Variants in CHAF1B observed in about 807,000 individuals in gnomAD.
CHAF1B encodes CAF-1 subunit B.
Under a neutral mutation model 60.7 loss-of-function variants are expected in CHAF1B, and 10 were observed. That is an observed-to-expected ratio of 0.16 (90% CI 0.10 to 0.28). CHAF1B has a LOEUF of 0.28. CHAF1B is among the 10% of genes least tolerant of loss of function. The pLI is 1.00. For synonymous variants in CHAF1B, 261 were observed against 266.1 expected (o/e 0.98, Z 0.19); for missense variants, 558 against 708.4 (o/e 0.79, Z 2.41).
rs142716888 is a variant in CHAF1B, at chr21:36,415,153, T to G, written c.1494-142T>G. On this transcript the variant is annotated intron_variant, in intron 12 of 13. Coordinates refer to ENST00000314103, the MANE Select transcript of CHAF1B (RefSeq NM_005441.3). ...AGTTATTAAACAAGTGGGCACATCTTACTATTTAATGCCTTGAACCAGAAG... is the reference window on the plus strand; with the variant it reads ...AGTTATTAAACAAGTGGGCACATCTGACTATTTAATGCCTTGAACCAGAAG... The G allele has an allele frequency of 2.1e-3, 1,249 of 602,578 alleles. 4 individuals carry two copies. The highest frequency in any genetic ancestry group is 3.0e-3 in the Admixed American group (103 of 34,094). The allele number at this position is 602,578 out of a possible 1,614,324, so 37.3% of individuals were successfully genotyped here. A position where few individuals can be genotyped will look rare whatever the true frequency, so the allele number is the denominator to read the frequency against.
chr21:36,389,675 CAG>C, intron 3 of CHAF1B, among the ~76,000 whole-genome samples: 1 of 144,100 alleles, frequency 6.9e-6, no homozygotes, highest in South Asian at 2.6e-4. Flanking sequence ...CAAAATAAAA[CAG>C]AAATCTAAAG....
intron 3 of CHAF1B, among the ~76,000 whole-genome samples, chr21:36,389,800 T>C (rs73905813): frequency 0.066 from 8,173 of 124,528 alleles, 455 homozygotes; most frequent in African/African-American, 0.14. Flanking sequence ...TGTGTGTGTG[T>C]GCGCGCGCAC....
At chr21:36,385,862 G>C (rs551118475) in intron 1 of CHAF1B, among the ~76,000 whole-genome samples, 198 bp from the exon 2 acceptor site, 4 of 152,312 alleles carry the variant, frequency 2.6e-5, no homozygotes, top group African/African-American at 9.6e-5. Flanking sequence ...TGCTTTTCTG[G>C]ATGTAGCGGC....
intron 12 of CHAF1B, among the ~76,000 whole-genome samples, chr21:36,414,163 G>A (rs758943946): frequency 3.9e-5 from 6 of 152,160 alleles, no homozygotes; most frequent in Non-Finnish European, 7.3e-5. Flanking sequence ...TTCTTCCCCT[G>A]CAGCTGATGT....
At chr21:36,404,210 C>T (rs772971138) in intron 8 of CHAF1B, among the ~76,000 whole-genome samples, 1 of 150,040 alleles carries the variant, frequency 6.7e-6, no homozygotes, top group African/African-American at 2.5e-5. Flanking sequence ...AAGCGATTCT[C>T]CTGCCTCAGC....
At chr21:36,395,420 A>G (rs1476227366) in intron 5 of CHAF1B, among the ~76,000 whole-genome samples, 1 of 152,216 alleles carries the variant, frequency 6.6e-6, no homozygotes, top group African/African-American at 2.4e-5. Flanking sequence ...GCTCAACAGG[A>G]TAGGGGTTAG....
intron 4 of CHAF1B, among the ~76,000 whole-genome samples, chr21:36,394,338 G>A (rs1156243875): frequency 6.6e-6 from 1 of 152,090 alleles, no homozygotes; most frequent in African/African-American, 2.4e-5. Context: ...GCCTCCCAAA[G>A]TGCTGGGATT....
At chr21:36,385,985 A>T in intron 1 of CHAF1B, 75 bp from the exon 2 acceptor site, 1 of 820,340 alleles carries the variant, frequency 1.2e-6, no homozygotes, top group Non-Finnish European at 1.9e-6. Flanking sequence ...TGTGCATTTT[A>T]AATGGCTCCT....
At position 36,402,826 on chromosome 21, in the gene CHAF1B, C is replaced by T. The variant is rs577719192; in HGVS notation, c.732C>T (p.Pro244=). The T allele has an allele frequency of 5.7e-5, 92 of 1,613,954 alleles. No individual in the cohort carries two copies. The South Asian group carries it at 7.9e-4, about 14-fold the overall frequency. ...KSFFRRLSFT[P]DGSLLLTPAG... ...TCTTCCGTAGACTGAGTTTCACTCC[C>T]GACGGATCTTTGCTTCTCACGCCAG... The change falls in exon 8 of 14, where the codon CCC becomes CCT. Residue 244 remains proline (P), a synonymous_variant. Transcript: ENST00000314103.
intron 7 of CHAF1B, 68 bp from the exon 8 acceptor site, chr21:36,402,690 A>G: frequency 1.5e-6 from 2 of 1,337,098 alleles, no homozygotes; most frequent in South Asian, 2.5e-5. Context: ...AGATTTGGAA[A>G]AATGTTTAAG....
chr21:36,393,228 C>T lies in CHAF1B; in HGVS notation c.378-1319C>T, dbSNP rs71330677. ...AGAGAGCGGGAGAGGGAGAGGGAGA[C>T]GGTGGAGGGAGAGGGAGAGGGAGAG... On this transcript the variant is annotated intron_variant, in intron 4 of 13. Transcript: ENST00000314103. Among the ~76,000 whole-genome samples, 27 of 151,514 alleles carry T rather than the reference C, an allele frequency of 1.8e-4. No homozygotes were observed. The East Asian group carries it at 2.9e-3, about 16-fold the overall frequency.
intron 4 of CHAF1B, among the ~76,000 whole-genome samples, chr21:36,392,243 T>G (rs1256596704): frequency 6.6e-6 from 1 of 151,950 alleles, no homozygotes; most frequent in Admixed American, 6.6e-5. Flanking sequence ...GGGTTGGGGG[T>G]AAGGTTATAG....
intron 2 of CHAF1B, 111 bp downstream of exon 2, chr21:36,386,373 A>G (rs2086034598): frequency 6.6e-6 from 9 of 1,369,950 alleles, no homozygotes; most frequent in African/African-American, 2.9e-5. Flanking sequence ...CTGTAATCCC[A>G]GTGCTTTGGG....
At chr21:36,391,182 T>C (rs758947597) in intron 3 of CHAF1B, among the ~76,000 whole-genome samples, 5 of 152,220 alleles carry the variant, frequency 3.3e-5, no homozygotes, top group Non-Finnish European at 5.9e-5. Flanking sequence ...GGTGATTTTG[T>C]ATAGCTCTGA....
chr21:36,394,195 C>T (rs1027862586), intron 4 of CHAF1B, among the ~76,000 whole-genome samples: 1 of 151,856 alleles, frequency 6.6e-6, no homozygotes. Context: ...CCCTCCCTCA[C>T]CCTCCTGAGT....
intron 4 of CHAF1B, among the ~76,000 whole-genome samples, chr21:36,392,972 G>A (rs2086103884): frequency 6.6e-6 from 1 of 152,220 alleles, no homozygotes; most frequent in Non-Finnish European, 1.5e-5. Flanking sequence ...CACCTCGGGA[G>A]GCTGAGGCTG....
At chr21:36,393,265 T>C (rs1208879159) in intron 4 of CHAF1B, among the ~76,000 whole-genome samples, 2 of 151,896 alleles carry the variant, frequency 1.3e-5, no homozygotes, top group Non-Finnish European at 2.9e-5. Flanking sequence ...ATTTTTAAAT[T>C]TCTGTGGAGA....
chr21:36,389,636 C>T (rs1481106591), intron 3 of CHAF1B, among the ~76,000 whole-genome samples: 3 of 150,990 alleles, frequency 2.0e-5, no homozygotes, highest in African/African-American at 7.3e-5. Context: ...ACCTTTTTAC[C>T]ATACTTTAAA....
chr21:36,405,321 A>AT (rs1488095425), intron 8 of CHAF1B, among the ~76,000 whole-genome samples: 2 of 152,194 alleles, frequency 1.3e-5, no homozygotes, highest in Non-Finnish European at 2.9e-5. Flanking sequence ...ATATATAAAA[A>AT]TTCCTATCTT....
Sources: gnomAD v4.1 joint callset for allele counts (sites outside exome capture counted in the v4.1 genomes callset) on GRCh38, gnomAD v4.1.1 for gene constraint, MANE v1.5 for transcripts, NCBI Gene and HGNC (gene_info 2026-07-23, HGNC 2026-07-21) for gene names.